Variants in FAM53A observed in about 807,000 individuals in gnomAD.
The protein encoded by FAM53A is family with sequence similarity 53 member A.
In FAM53A, 28 loss-of-function variants were observed where a neutral mutation model predicts 26.6. The ratio of observed to expected loss-of-function variants is 1.05; its 90% confidence interval spans 0.78 to 1.45. The LOEUF (loss-of-function observed/expected upper bound fraction) is 1.45, where lower values mean the gene tolerates loss of function less well. Among genes scored for constraint, FAM53A ranks in the 40% most tolerant of loss-of-function variants. The pLI, the probability that FAM53A is intolerant of heterozygous loss-of-function variation, is 0.00. For synonymous variants in FAM53A, 290 were observed against 253.1 expected, an observed-to-expected ratio of 1.15 and a Z score of -1.38; for missense variants, 650 against 575.8, an observed-to-expected ratio of 1.13 and a Z score of -1.32.
intron 2 of FAM53A, among the ~76,000 whole-genome samples, chr4:1,667,512 C>CA (rs1553810485): frequency 1.3e-5 from 2 of 152,116 alleles, no homozygotes; most frequent in Non-Finnish European, 2.9e-5. Context: ...CCAGGCCCCA[C>CA]AAGCAGTGCT....
chr4:1,577,411 C>T, the FAM53A span, among the ~76,000 whole-genome samples: 2 of 152,090 alleles, frequency 1.3e-5, no homozygotes, highest in African/African-American at 4.8e-5. Flanking sequence ...CAGCAGCTCC[C>T]GTGGCCACAG....
At chr4:1,658,248 T>C (rs1187900357) in intron 2 of FAM53A, among the ~76,000 whole-genome samples, 3 of 149,264 alleles carry the variant, frequency 2.0e-5, no homozygotes, top group African/African-American at 7.4e-5. Context: ...TCTCGATCTC[T>C]TCACCTCGTG....
intron 2 of FAM53A, among the ~76,000 whole-genome samples, chr4:1,662,328 A>C (rs1380215101): frequency 1.3e-5 from 2 of 151,848 alleles, no homozygotes; most frequent in African/African-American, 4.8e-5. Context: ...AAAATATAAA[A>C]ATTAGCCGGG....
chr4:1,608,825 T>C, the FAM53A span, among the ~76,000 whole-genome samples: 12,530 of 152,170 alleles, frequency 0.082, 568 homozygotes, highest in Middle Eastern at 0.18. Flanking sequence ...AGCTGATTAA[T>C]AATTTGGAAA....
intron 1 of FAM53A, among the ~76,000 whole-genome samples, chr4:1,623,260 C>T (rs1011372684): frequency 2.0e-5 from 3 of 152,184 alleles, no homozygotes; most frequent in Non-Finnish European, 2.9e-5. Flanking sequence ...GGCCCAAGCT[C>T]CCCCGACGTG....
the FAM53A span, among the ~76,000 whole-genome samples, chr4:1,609,303 C>G: frequency 6.6e-6 from 1 of 152,130 alleles, no homozygotes; most frequent in Non-Finnish European, 1.5e-5. Flanking sequence ...TTCCAGCCCC[C>G]CAGGTCCTGA....
chr4:1,574,861 G>A, the FAM53A span, among the ~76,000 whole-genome samples: 590 of 152,368 alleles, frequency 3.9e-3, 6 homozygotes, highest in South Asian at 0.027. Context: ...CTCCCCGGAC[G>A]GACCGGCTGC....
intron 1 of FAM53A, among the ~76,000 whole-genome samples, chr4:1,631,945 T>C (rs1715627070): frequency 6.6e-6 from 1 of 152,098 alleles, no homozygotes; most frequent in Non-Finnish European, 1.5e-5. Flanking sequence ...GGTGGATCAC[T>C]TGAGGTCAGG....
the FAM53A span, among the ~76,000 whole-genome samples, chr4:1,590,955 C>CATATATACATATATAT: frequency 1.9e-3 from 87 of 46,304 alleles, 7 homozygotes; most frequent in Non-Finnish European, 2.4e-3. Context: ...TTATTTAATG[C>CATATATACATATATAT]ATATATATAT....
At chr4:1,636,491 C>T (rs1235498350), downstream of FAM53A, among the ~76,000 whole-genome samples, 6 of 152,240 alleles carry the variant, frequency 3.9e-5, no homozygotes, top group African/African-American at 1.4e-4. Context: ...CACGGGAGAT[C>T]CCGTCCGTCC....
the FAM53A span, among the ~76,000 whole-genome samples, chr4:1,611,572 TGGGCCTCCAGACACAGGCAGGTACCAA>T: frequency 6.6e-6 from 1 of 152,216 alleles, no homozygotes; most frequent in Non-Finnish European, 1.5e-5. Context: ...TAGCCCCTGC[TGGGCCTCCAGACACAGGCAGGTACCAA>T]GGCCTGGGCG....
chr4:1,643,704 C>T (rs117143333), intron 4 of FAM53A, among the ~76,000 whole-genome samples: 357 of 151,542 alleles, frequency 2.4e-3, no homozygotes, highest in East Asian at 7.3e-3. Context: ...GTGGCTGAGA[C>T]AACAGGTACA....
chr4:1,625,927 C>T (rs1008907360), intron 1 of FAM53A, among the ~76,000 whole-genome samples: 3 of 152,240 alleles, frequency 2.0e-5, no homozygotes, highest in East Asian at 1.9e-4. Context: ...GCAGGTTCAG[C>T]GGGTGGGATC....
chr4:1,589,400 A>C, the FAM53A span, among the ~76,000 whole-genome samples: 1 of 152,086 alleles, frequency 6.6e-6, no homozygotes, highest in African/African-American at 2.4e-5. Context: ...TAATTTTTTT[A>C]TTGAAAGGCC....
Position 1,630,283 on chromosome 4 carries a change from CA to C in FAM53A, c.432-12173del, listed in dbSNP as rs1014337487. Among the ~76,000 whole-genome samples the C allele has an allele frequency of 8.5e-5, 13 of 152,246 alleles. No homozygotes were observed. The highest frequency in any genetic ancestry group is 5.9e-4 in the Admixed American group (9 of 15,290). On this transcript the variant is annotated intron_variant, in intron 1 of 1. Transcript: ENST00000489029. The surrounding 1 kb of genome is among the most constrained non-coding windows in gnomAD (Gnocchi z 4.3). ...CCCTGTCCTCTGAGCTGCCCGTGAC[CA>C]GGGGGTCAGAGCCCACCTTGGTGTT...
At chr4:1,642,334 C>T (rs1006420299) in intron 4 of FAM53A, among the ~76,000 whole-genome samples, 4 of 152,200 alleles carry the variant, frequency 2.6e-5, no homozygotes, top group African/African-American at 9.7e-5. Flanking sequence ...TCCAGTACCC[C>T]CATGCCACGC....
chr4:1,666,682 T>G (rs1003220077), intron 2 of FAM53A, among the ~76,000 whole-genome samples: 1 of 152,264 alleles, frequency 6.6e-6, no homozygotes. Flanking sequence ...AGAGACACCT[T>G]AAAAATGTTT....
chr4:1,631,019 G>A (rs1329476632), intron 1 of FAM53A, among the ~76,000 whole-genome samples: 1 of 152,104 alleles, frequency 6.6e-6, no homozygotes, highest in Non-Finnish European at 1.5e-5. Context: ...CTCCAATCTT[G>A]GTGACTGGGG....
intron 4 of FAM53A, chr4:1,644,322 C>G: frequency 6.5e-7 from 1 of 1,535,936 alleles, no homozygotes; most frequent in Non-Finnish European, 8.7e-7. Context: ...GGGACTCGCA[C>G]TCGCGGGCAC....
Sources: gnomAD v4.1 joint callset for allele counts (sites outside exome capture counted in the v4.1 genomes callset) on GRCh38, gnomAD v4.1.1 for gene constraint, Gnocchi (gnomAD v3.1) non-coding constraint, MANE v1.5 for transcripts, NCBI Gene and HGNC (gene_info 2026-07-23, HGNC 2026-07-21) for gene names.